The following SUPT3H variants were observed in gnomAD, a reference collection of about 807,000 sequenced individuals.
The protein encoded by SUPT3H is SPT3 homolog, SAGA and STAGA complex component, also known as transcription initiation protein SPT3 homolog.
A neutral mutation model predicts 44.3 loss-of-function variants in SUPT3H; 44 were observed. The ratio of observed to expected loss-of-function variants is 0.99; its 90% CI spans 0.78 to 1.28. SUPT3H has a LOEUF of 1.28. Ranked by LOEUF, SUPT3H falls within the 50% of genes most tolerant of loss-of-function variation. The pLI, the probability that SUPT3H is intolerant of heterozygous loss-of-function variation, is 0.00. For synonymous variants in SUPT3H, 124 were observed against 125.6 expected (o/e 0.99, Z 0.09); for missense variants, 380 against 387.1 (o/e 0.98, Z 0.15).
At chr6:44,950,006 T>C (rs1365008348) in intron 9 of SUPT3H, among the ~76,000 whole-genome samples, 1 of 152,248 alleles carries the variant, frequency 6.6e-6, no homozygotes, top group African/African-American at 2.4e-5. Context: ...GGTTTATTCA[T>C]AATACCTCAG....
At chr6:45,159,016 T>C (rs991531082) in intron 2 of SUPT3H, 1 of 152,178 alleles carries the variant, frequency 6.6e-6, no homozygotes, top group African/African-American at 2.4e-5. Flanking sequence ...CATAATGTAG[T>C]ATGTCAGGAT....
At chr6:45,137,983 C>A (rs979895421) in intron 2 of SUPT3H, among the ~76,000 whole-genome samples, 2 of 151,902 alleles carry the variant, frequency 1.3e-5, no homozygotes, top group African/African-American at 4.8e-5. Context: ...AGGACTTGTA[C>A]TCAGAATATA....
intron 7 of SUPT3H, among the ~76,000 whole-genome samples, chr6:44,961,439 G>C (rs1422154410): frequency 6.6e-6 from 1 of 151,986 alleles, no homozygotes; most frequent in Non-Finnish European, 1.5e-5. Flanking sequence ...AATATGACTA[G>C]GAAACTAGAA....
intron 3 of SUPT3H, among the ~76,000 whole-genome samples, chr6:45,101,532 T>G (rs1798573161): frequency 6.6e-6 from 1 of 152,208 alleles, no homozygotes; most frequent in African/African-American, 2.4e-5. Flanking sequence ...CAAAGAGTTG[T>G]ACAGAGATAA....
Position 45,220,666 on chromosome 6 carries a change from G to A in SUPT3H, c.102-114660C>T, listed in dbSNP as rs116000338. Among the ~76,000 whole-genome samples the A allele has an allele frequency of 7.3e-3, 1,109 of 152,238 alleles. 20 individuals carry two copies. Among genetic ancestry groups the A allele is most frequent in the African/African-American group, 0.025 (1,053 of 41,544 alleles). ...CTACTTGCTAATGACATTACTGTCT[G>A]CATAGAAAATCACAAAGAATCTACA... On this transcript the variant is annotated intron_variant, in intron 2 of 10. Transcript: ENST00000371459.
At chr6:44,980,206 T>C (rs1349946001) in intron 6 of SUPT3H, among the ~76,000 whole-genome samples, 1 of 140,162 alleles carries the variant, frequency 7.1e-6, no homozygotes, top group South Asian at 2.2e-4. Flanking sequence ...CTGCATAAAA[T>C]AGACAAATGC....
intron 6 of SUPT3H, among the ~76,000 whole-genome samples, chr6:44,978,215 A>C (rs1778607660): frequency 6.6e-6 from 1 of 152,208 alleles, no homozygotes; most frequent in Admixed American, 6.5e-5. Context: ...AGATTCTGTC[A>C]ATGACAGCTA....
chr6:45,154,549 T>C (rs999316555), intron 2 of SUPT3H, among the ~76,000 whole-genome samples: 4 of 152,114 alleles, frequency 2.6e-5, no homozygotes, highest in Non-Finnish European at 5.9e-5. Context: ...CTTCTAGAGA[T>C]TACCTGAGGG....
At chr6:44,815,766 G>A (rs1034831917) in intron 11 of SUPT3H, among the ~76,000 whole-genome samples, 7 of 151,960 alleles carry the variant, frequency 4.6e-5, no homozygotes, top group African/African-American at 1.7e-4. Context: ...GTAATTGATT[G>A]TAAAAAGTAG....
chr6:45,185,066 A>T (rs1813954008), intron 2 of SUPT3H, among the ~76,000 whole-genome samples: 1 of 152,164 alleles, frequency 6.6e-6, no homozygotes, highest in African/African-American at 2.4e-5. Context: ...CAGATAGGCT[A>T]AGGGTACTTT....
Position 45,014,811 on chromosome 6 carries a change from A to T in SUPT3H, c.354T>A (p.Asp118Glu), listed in dbSNP as rs767022754. Residue 118 changes from aspartate to glutamate, a missense_variant, in exon 5 of 11, where the codon GAT becomes GAA. Coordinates refer to ENST00000371459, the MANE Select transcript of SUPT3H (RefSeq NM_003599.4). ...TTTTGTTTTGGTTACCTTCGAGAAGATCATCCTCATCGATGCCTTTGACAA... is the reference window on the plus strand; with the variant it reads ...TTTTGTTTTGGTTACCTTCGAGAAGTTCATCCTCATCGATGCCTTTGACAA... ...SKIVKGIDEDDLLEDKLSGSN... is the reference protein window; with the variant it reads ...SKIVKGIDEDELLEDKLSGSN... 1.3e-6 allele frequency: 2 copies of T among 1,589,624 alleles called. No individual in the cohort carries two copies. Among genetic ancestry groups the T allele is most frequent in the Non-Finnish European group, 1.7e-6 (2 of 1,169,534 alleles).
rs1441314402 is a variant in SUPT3H at position 45,137,323 on chromosome 6, AAAG to A, written c.102-31320_102-31318del. ...TCAAATCAATCAAGCAAAAAGAAAA[AAAG>A]AAGAACACTCAAAAAGTTAAATATG... On this transcript the variant is annotated intron_variant, in intron 2 of 10. Transcript: ENST00000371459. 4.6e-5 allele frequency among the ~76,000 whole-genome samples: 7 copies of A among 152,044 alleles called. No individual in the cohort carries two copies. In the South Asian group the frequency reaches 1.2e-3, roughly 27 times the overall value.
intron 2 of SUPT3H, among the ~76,000 whole-genome samples, chr6:45,191,047 C>T (rs1815045740): frequency 6.6e-6 from 1 of 152,006 alleles, no homozygotes; most frequent in South Asian, 2.1e-4. Context: ...TATGATCCAG[C>T]AATCAAATAC....
chr6:45,296,016 C>A (rs1401071084), intron 2 of SUPT3H, among the ~76,000 whole-genome samples: 1 of 152,036 alleles, frequency 6.6e-6, no homozygotes, highest in East Asian at 1.9e-4. Context: ...GGAAAAGATA[C>A]TTGCACACAC....
intron 3 of SUPT3H, among the ~76,000 whole-genome samples, chr6:45,104,866 T>A (rs546344151): frequency 6.6e-6 from 1 of 151,984 alleles, no homozygotes; most frequent in African/African-American, 2.4e-5. Context: ...TAAAATCATG[T>A]AATCTCAATA....
intron 2 of SUPT3H, among the ~76,000 whole-genome samples, chr6:45,214,085 T>C (rs1352121014): frequency 1.4e-5 from 1 of 71,570 alleles, no homozygotes; most frequent in East Asian, 4.2e-4. Flanking sequence ...TTTTAAACAA[T>C]AAACCAATGT....
At chr6:45,016,305 C>G (rs926888414) in intron 4 of SUPT3H, among the ~76,000 whole-genome samples, 2 of 151,754 alleles carry the variant, frequency 1.3e-5, no homozygotes, top group Non-Finnish European at 2.9e-5. Flanking sequence ...CATATGGTAC[C>G]TGACTATAAT....
At chr6:45,179,977 C>A (rs2153612570) in intron 2 of SUPT3H, among the ~76,000 whole-genome samples, 1 of 152,144 alleles carries the variant, frequency 6.6e-6, no homozygotes, top group East Asian at 1.9e-4. Context: ...CCCACTGTCT[C>A]AGCCCAGAAT....
At chr6:45,335,340 CATTT>C (rs2150105291) in intron 2 of SUPT3H, among the ~76,000 whole-genome samples, 2 of 151,210 alleles carry the variant, frequency 1.3e-5, no homozygotes, top group Non-Finnish European at 3.0e-5. Context: ...AGGATCATGA[CATTT>C]ATTTTACTAT....
Sources: gnomAD v4.1 joint callset for allele counts (sites outside exome capture counted in the v4.1 genomes callset) on GRCh38, gnomAD v4.1.1 for gene constraint, MANE v1.5 for transcripts, NCBI Gene and HGNC (gene_info 2026-07-23, HGNC 2026-07-21) for gene names.